Variants in PCNX1 observed in about 807,000 individuals in gnomAD.
The protein encoded by PCNX1 is pecanex-like protein 1.
In PCNX1, 78 loss-of-function variants were observed where a neutral mutation model predicts 242.2. That is an observed-to-expected ratio of 0.32 (90% confidence interval 0.27 to 0.39). The LOEUF (loss-of-function observed/expected upper bound fraction) is 0.39. PCNX1 is among the 10% of genes least tolerant of loss of function. The pLI, the probability that PCNX1 is intolerant of heterozygous loss-of-function variation, is 1.00. For synonymous variants in PCNX1, 1,024 were observed against 1,032.9 expected (o/e 0.99, Z 0.17); for missense variants, 2,581 against 2,856.5 (o/e 0.90, Z 2.20).
In PCNX1 at chr14:71,034,021, A is replaced by G; in HGVS notation, c.3759A>G (p.Lys1253=). 6.3e-7 allele frequency: 1 copy of G among 1,584,558 alleles called. No individual in the cohort carries two copies. The highest frequency in any genetic ancestry group is 8.6e-7 in the Non-Finnish European group (1 of 1,157,262). Residue 1253 remains lysine (K), a synonymous_variant, in exon 18 of 36, where the codon AAA becomes AAG. Coordinates refer to ENST00000304743, the MANE Select transcript of PCNX1 (RefSeq NM_014982.3). ...LSEVKDPLPE[K]LRNSVSERLQ... is the part of the protein sequence containing the mutation. ...AAGTAAAAGATCCACTGCCTGAAAA[A>G]CTTAGAAATTCTGTTGTAAGTTTTA... is the stretch of plus-strand genomic sequence containing the variant.
intron 11 of PCNX1, among the ~76,000 whole-genome samples, chr14:71,017,799 G>T (rs917624966): frequency 6.6e-6 from 1 of 152,142 alleles, no homozygotes; most frequent in Admixed American, 6.5e-5. Flanking sequence ...AAATCAAATG[G>T]AAATGCCAGT....
intron 16 of PCNX1, among the ~76,000 whole-genome samples, chr14:71,030,190 C>T (rs2060343268): frequency 1.3e-5 from 2 of 152,134 alleles, no homozygotes; most frequent in Non-Finnish European, 2.9e-5. Context: ...ACCTGTTTTA[C>T]CTTCCTCAGA....
chr14:71,002,039 G>A (rs150014817), intron 8 of PCNX1, among the ~76,000 whole-genome samples: 215 of 152,214 alleles, frequency 1.4e-3, no homozygotes, highest in African/African-American at 4.9e-3. Flanking sequence ...ACAACTTCTC[G>A]TCGTGGGAGA....
At chr14:71,107,899 T>C (rs1595522987) in intron 33 of PCNX1, among the ~76,000 whole-genome samples, 1 of 152,256 alleles carries the variant, frequency 6.6e-6, no homozygotes, top group East Asian at 1.9e-4. Context: ...TGTGAATATA[T>C]TGTGAAATGA....
intron 1 of PCNX1, among the ~76,000 whole-genome samples, chr14:70,941,782 G>T (rs1394003996): frequency 6.6e-6 from 1 of 152,228 alleles, no homozygotes; most frequent in Non-Finnish European, 1.5e-5. Context: ...GCTTCACCCA[G>T]TTAGAGCTTC....
At chr14:71,065,827 C>T (rs928055863) in intron 26 of PCNX1, among the ~76,000 whole-genome samples, 6 of 152,186 alleles carry the variant, frequency 3.9e-5, no homozygotes, top group African/African-American at 1.4e-4. Flanking sequence ...CAGTTTTCTG[C>T]ATATGGCTAG....
At chr14:71,095,605 A>G (rs950645461) in intron 30 of PCNX1, among the ~76,000 whole-genome samples, 35 of 152,218 alleles carry the variant, frequency 2.3e-4, no homozygotes, top group African/African-American at 7.7e-4. Context: ...TTCTAAGCAC[A>G]TACATTTTCA....
intron 26 of PCNX1, among the ~76,000 whole-genome samples, chr14:71,072,980 C>T (rs1305320522): frequency 6.6e-6 from 1 of 152,168 alleles, no homozygotes; most frequent in African/African-American, 2.4e-5. Flanking sequence ...ATCAGTAAGT[C>T]AAAATTAAAG....
intron 33 of PCNX1, among the ~76,000 whole-genome samples, chr14:71,107,417 A>AAT (rs528713494): frequency 7.3e-4 from 111 of 152,226 alleles, no homozygotes; most frequent in African/African-American, 2.6e-3. Flanking sequence ...TGAAAGACAT[A>AAT]ATGAATAATT....
chr14:70,947,947 G>A (rs763648437), intron 2 of PCNX1, among the ~76,000 whole-genome samples: 18 of 152,164 alleles, frequency 1.2e-4, no homozygotes, highest in African/African-American at 1.7e-4. Flanking sequence ...ACGCAGTTGT[G>A]GATAGGGGAT....
chr14:70,933,605 CTG>C (rs1012745820), intron 1 of PCNX1, among the ~76,000 whole-genome samples: 1 of 152,070 alleles, frequency 6.6e-6, no homozygotes, highest in African/African-American at 2.4e-5. Context: ...CATCTACAAA[CTG>C]AAGTATATGT....
At chr14:71,018,542 G>A (rs2060016555) in intron 11 of PCNX1, among the ~76,000 whole-genome samples, 2 of 152,232 alleles carry the variant, frequency 1.3e-5, no homozygotes, top group Admixed American at 6.5e-5. Context: ...GATGGGGGAA[G>A]CGAAATCAAT....
chr14:71,089,845 G>A (rs1170228347), intron 30 of PCNX1, among the ~76,000 whole-genome samples: 1 of 152,136 alleles, frequency 6.6e-6, no homozygotes, highest in Non-Finnish European at 1.5e-5. Context: ...AAAGAAAAAT[G>A]TGACTTCATG....
chr14:71,098,550 G>GTC (rs2062367936), intron 30 of PCNX1, among the ~76,000 whole-genome samples: 3 of 135,844 alleles, frequency 2.2e-5, no homozygotes, highest in African/African-American at 8.7e-5. Flanking sequence ...GTGTGTGTGT[G>GTC]TGTGAGAGAG....
intron 7 of PCNX1, among the ~76,000 whole-genome samples, chr14:70,993,699 G>A (rs1326498931): frequency 5.9e-5 from 9 of 152,076 alleles, no homozygotes; most frequent in East Asian, 3.9e-4. Flanking sequence ...AAAAAAAATC[G>A]ATAGAAAAAT....
At chr14:70,980,546 C>A (rs1388471858) in intron 6 of PCNX1, among the ~76,000 whole-genome samples, 1 of 151,940 alleles carries the variant, frequency 6.6e-6, no homozygotes, top group East Asian at 1.9e-4. Context: ...CAAATAAGAG[C>A]AAAACTAAAG....
At chr14:71,019,635 C>T (rs1027520817) in intron 12 of PCNX1, among the ~76,000 whole-genome samples, 2 of 152,026 alleles carry the variant, frequency 1.3e-5, no homozygotes, top group Non-Finnish European at 2.9e-5. Flanking sequence ...CTCCTGACCT[C>T]GTGATCCGCC....
Position 70,977,340 on chromosome 14 carries a change from T to A in PCNX1, c.1003T>A (p.Leu335Ile). Residue 335 changes from leucine (L) to isoleucine (I), a missense_variant, in exon 6 of 36, where the codon TTA becomes ATA. This residue lies in a region of PCNX1 where 1,204 missense variants were observed against 1,216.7 expected (regional missense o/e 0.99). Transcript: ENST00000304743. ...SKESLVENSG[L>I]SGEFQLAGDL... ...AGAATCCTTGGTGGAAAATTCTGGTTTATCTGGGGAATTTCAGCTTGCTGG... is the reference window on the plus strand; with the variant it reads ...AGAATCCTTGGTGGAAAATTCTGGTATATCTGGGGAATTTCAGCTTGCTGG... The A allele has an allele frequency of 6.2e-7, 1 of 1,614,152 alleles. No homozygotes were observed. Among genetic ancestry groups the A allele is most frequent in the Non-Finnish European group, 8.5e-7 (1 of 1,180,016 alleles).
At chr14:70,995,098 A>G (rs1188052683) in intron 7 of PCNX1, among the ~76,000 whole-genome samples, 1 of 152,226 alleles carries the variant, frequency 6.6e-6, no homozygotes, top group East Asian at 1.9e-4. Flanking sequence ...AGAAAGATGT[A>G]AGCTTTTTAT....
Sources: allele counts gnomAD v4.1 joint callset (sites outside exome capture counted in the v4.1 genomes callset), GRCh38; gene constraint gnomAD v4.1.1; regional missense constraint gnomAD v4.1.1; transcripts MANE v1.5; gene names NCBI Gene and HGNC (gene_info 2026-07-23, HGNC 2026-07-21).